Variants in MACF1 observed in about 807,000 individuals in gnomAD.
MACF1 encodes the protein microtubule-actin cross-linking factor 1.
A neutral mutation model predicts 854.8 loss-of-function variants in MACF1; 193 were observed. The ratio of observed to expected loss-of-function variants is 0.23; its 90% CI spans 0.20 to 0.25. The LOEUF (loss-of-function observed/expected upper bound fraction) is 0.25, where lower values mean the gene tolerates loss of function less well. Ranked by LOEUF, MACF1 falls within the 10% of genes least tolerant of loss-of-function variation. The probability of loss-of-function intolerance (pLI) is 1.00; values close to 1 mark genes in which losing one functional copy is unlikely to be tolerated. For missense variants in MACF1, 7,722 were observed against 8,929.1 expected (o/e 0.86, Z 5.45); for synonymous variants, 3,185 against 3,226.7 (o/e 0.99, Z 0.44).
At chr1:39,187,045 G>A (rs1557505828) in intron 2 of MACF1, among the ~76,000 whole-genome samples, 1 of 150,616 alleles carries the variant, frequency 6.6e-6, no homozygotes, top group Admixed American at 6.6e-5. Flanking sequence ...AGAAAATTAG[G>A]GTTTAGTTTT....
Position 39,428,115 on chromosome 1 carries a change from G to A in MACF1, c.16631G>A (p.Arg5544His), listed in dbSNP as rs762115668. Residue 5544 changes from arginine (R) to histidine (H), a missense_variant, in exon 63 of 101, where the codon CGC becomes CAC. Coordinates refer to ENST00000564288, the MANE Select transcript of MACF1 (RefSeq NM_001394062.1). ...GCCCGATACAGTGAAATTCAAGACC[G>A]CTGTTGTCGGAAGGCAGCCCTACTT... is the stretch of plus-strand genomic sequence containing the variant. Reference protein sequence around the residue: ...LQARYSEIQDRCCRKAALLDQ... With the variant: ...LQARYSEIQDHCCRKAALLDQ... The A allele has an allele frequency of 8.1e-6, 13 of 1,614,030 alleles. No individual in the cohort carries two copies. In the Admixed American group the frequency reaches 8.3e-5, roughly 10 times the overall value.
intron 47 of MACF1, among the ~76,000 whole-genome samples, chr1:39,360,038 TATATATATATATATACACAC>T (rs1331045421): frequency 4.9e-5 from 3 of 61,020 alleles, no homozygotes; most frequent in East Asian, 4.3e-4. Flanking sequence ...TATATATATA[TATATATATATATATACACAC>T]ACACACACAC....
At chr1:39,245,137 T>C (rs567615515) in intron 2 of MACF1, among the ~76,000 whole-genome samples, 54 of 152,366 alleles carry the variant, frequency 3.5e-4, no homozygotes, top group African/African-American at 1.2e-3. Context: ...GTATAACACA[T>C]AACCAGAATT....
At chr1:39,439,574 G>A in intron 72 of MACF1, 74 bp downstream of exon 72, 2 of 1,189,464 alleles carry the variant, frequency 1.7e-6, no homozygotes, top group South Asian at 1.4e-5. Flanking sequence ...TCAAAGTGAG[G>A]TATGTTAACT....
chr1:39,327,402 GTATGAAGGCAGCTTTGCTGA>G (rs1240877499), intron 36 of MACF1, 49 bp downstream of exon 36: 1 of 1,531,168 alleles, frequency 6.5e-7, no homozygotes. Context: ...CTTTTGAATG[GTATGAAGGCAGCTTTGCTGA>G]TTCAGAGTCA....
intron 44 of MACF1, among the ~76,000 whole-genome samples, chr1:39,355,460 C>CTTTTTTTTTTTTT (rs56202498): frequency 9.9e-5 from 8 of 81,066 alleles, no homozygotes; most frequent in Non-Finnish European, 1.6e-4. Flanking sequence ...TTTTCTTCTG[C>CTTTTTTTTTTTTT]TTTTTTTTTT....
intron 2 of MACF1, among the ~76,000 whole-genome samples, chr1:39,233,449 G>T (rs534745265): frequency 6.6e-6 from 1 of 152,286 alleles, no homozygotes; most frequent in South Asian, 2.1e-4. Flanking sequence ...TGGCGGCTGT[G>T]CCTCAAACAG....
intron 2 of MACF1, among the ~76,000 whole-genome samples, chr1:39,185,837 AT>A (rs1404848098): frequency 6.6e-6 from 1 of 152,114 alleles, no homozygotes; most frequent in Non-Finnish European, 1.5e-5. Flanking sequence ...GTATCTCTTC[AT>A]GAAATAACAA....
chr1:39,403,546 A>T (rs187565158), intron 58 of MACF1, among the ~76,000 whole-genome samples: 18 of 152,226 alleles, frequency 1.2e-4, no homozygotes, highest in African/African-American at 3.9e-4. Context: ...CTGTTGTTTT[A>T]TAATAAGTAC....
intron 57 of MACF1, 137 bp downstream of exon 57, chr1:39,386,066 C>A: frequency 2.1e-6 from 2 of 964,666 alleles, no homozygotes; most frequent in African/African-American, 1.6e-5. Context: ...CCAATTCCTT[C>A]TCCTAGTTGC....
At chr1:39,427,425 C>T (rs778542117) in intron 61 of MACF1, 30 bp from the exon 62 acceptor site, 1 of 1,601,506 alleles carries the variant, frequency 6.2e-7, no homozygotes, top group Non-Finnish European at 8.5e-7. Flanking sequence ...ACTTTTCTTC[C>T]TGAGCAGCTT....
intron 2 of MACF1, among the ~76,000 whole-genome samples, chr1:39,161,000 A>G (rs1441489104): frequency 1.3e-5 from 2 of 152,158 alleles, no homozygotes; most frequent in Non-Finnish European, 2.9e-5. Context: ...GTAACTGTTG[A>G]AGGGAATCCA....
intron 58 of MACF1, among the ~76,000 whole-genome samples, chr1:39,394,072 G>T (rs1455179391): frequency 2.0e-5 from 3 of 152,094 alleles, no homozygotes; most frequent in Non-Finnish European, 4.4e-5. Context: ...AGGCTGGGCT[G>T]CTGGGTTCTA....
chr1:39,149,735 C>T (rs201807343), intron 2 of MACF1, among the ~76,000 whole-genome samples: 1 of 150,928 alleles, frequency 6.6e-6, no homozygotes, highest in South Asian at 2.1e-4. Flanking sequence ...CATCCCAGCC[C>T]GATATTTAAA....
rs780924139 is a variant in MACF1, at chr1:39,357,454, A to T, written c.11504A>T (p.His3835Leu). The T allele has an allele frequency of 3.7e-6, 6 of 1,614,174 alleles. No homozygotes were observed. In the Admixed American group the frequency reaches 5.0e-5, roughly 13 times the overall value. ...TQSAQAFLDQHGHNLTPEEQQ... is the reference protein window; with the variant it reads ...TQSAQAFLDQLGHNLTPEEQQ... ...TCAGCTCAGGCCTTCTTGGATCAGC[A>T]TGGCCACAATCTCACACCTGAGGAG... Residue 3835 changes from histidine (H) to leucine (L), a missense_variant, in exon 45 of 101, where the codon CAT becomes CTT. Physicochemically the swap from His to Leu is moderately conservative, Grantham distance 99 (BLOSUM62 -3). Transcript: ENST00000564288.
chr1:39,240,166 G>T (rs529898894), intron 2 of MACF1, among the ~76,000 whole-genome samples: 12 of 152,284 alleles, frequency 7.9e-5, no homozygotes, highest in African/African-American at 2.9e-4. Flanking sequence ...TCAATTCACT[G>T]GCTCCCTAAT....
intron 2 of MACF1, among the ~76,000 whole-genome samples, chr1:39,151,514 A>G (rs1020966071): frequency 1.3e-5 from 2 of 152,180 alleles, no homozygotes; most frequent in African/African-American, 2.4e-5. Flanking sequence ...ATTCTTCCGA[A>G]GTAGAAAGCA....
rs1645952517 is a variant in MACF1, at chr1:39,297,721, T to G, written c.2457T>G (p.Leu819=). 1 of 1,614,044 alleles carries G rather than the reference T, an allele frequency of 6.2e-7. No individual in the cohort carries two copies. The highest frequency in any genetic ancestry group is 8.5e-7 in the Non-Finnish European group (1 of 1,180,038). The change falls in exon 21 of 101, where the codon CTT becomes CTG. Residue 819 remains leucine, a synonymous_variant. Coordinates refer to ENST00000564288, the MANE Select transcript of MACF1 (RefSeq NM_001394062.1). Reference sequence around the variant, plus strand: ...ACCACAACACCAGCTTATCCCGCCTTGAAGACCTGCTCCAGGACTCCATGG... The same window carrying G: ...ACCACAACACCAGCTTATCCCGCCTGGAAGACCTGCTCCAGGACTCCATGG... The part of the protein sequence containing the change: ...SCDHNTSLSR[L]EDLLQDSMDE...
At chr1:39,464,904 ACT>A (rs1162733924) in intron 94 of MACF1, 189 bp from the exon 95 acceptor site, 4 of 524,190 alleles carry the variant, frequency 7.6e-6, no homozygotes, top group African/African-American at 6.6e-5. Flanking sequence ...ACAGAGCGAG[ACT>A]CTCAAAAAAA....
Sources: gnomAD v4.1 joint callset for allele counts (sites outside exome capture counted in the v4.1 genomes callset) on GRCh38, gnomAD v4.1.1 for gene constraint, MANE v1.5 for transcripts, NCBI Gene and HGNC (gene_info 2026-07-23, HGNC 2026-07-21) for gene names.